ARFGAP2: variants seen among roughly 807,000 people sequenced by gnomAD.
ARFGAP2 encodes ADP-ribosylation factor GTPase-activating protein 2.
A neutral mutation model predicts 71.9 loss-of-function variants in ARFGAP2; 45 were observed. The observed-to-expected ratio is 0.63, with a 90% CI of 0.49 to 0.80. The LOEUF is 0.80. ARFGAP2 is among the 30% of genes least tolerant of loss of function. ARFGAP2 has a pLI of 0.00. For synonymous variants in ARFGAP2, 248 were observed against 249.2 expected (o/e 1.00, Z 0.05); for missense variants, 633 against 673.9 (o/e 0.94, Z 0.67).
rs532993523 is a variant in ARFGAP2 at position 47,174,182 on chromosome 11, C to A, written c.481-342G>T. Among the ~76,000 whole-genome samples the A allele has an allele frequency of 3.3e-5, 5 of 152,166 alleles. No homozygotes were observed. The East Asian group carries it at 9.7e-4, about 29-fold the overall frequency. The stretch of plus-strand genomic sequence containing the variant: ...CAACCCCTATGAAGGAGCTACATCG[C>A]CATTTTAGAAACTGAGGTTTTGACA... On this transcript the variant is annotated intron_variant, in intron 5 of 15. Coordinates refer to ENST00000524782, the MANE Select transcript of ARFGAP2 (RefSeq NM_032389.6).
At chr11:47,176,299 A>G (rs1952819438) in intron 2 of ARFGAP2, 1 of 600,024 alleles carries the variant, frequency 1.7e-6, no homozygotes, top group Admixed American at 3.0e-5. Context: ...TGACCGTCAA[A>G]AAAGAGGAAG....
chr11:47,171,372 ATGGTTC>A (rs1952592129), intron 10 of ARFGAP2, 48 bp downstream of exon 10: 1 of 1,606,076 alleles, frequency 6.2e-7, no homozygotes, highest in African/African-American at 1.3e-5. Flanking sequence ...AGGCCCCGCA[ATGGTTC>A]CCAGAAAACA....
intron 15 of ARFGAP2, 141 bp downstream of exon 15, chr11:47,166,127 G>T: frequency 1.2e-6 from 1 of 805,728 alleles, no homozygotes; most frequent in Non-Finnish European, 2.1e-6. Flanking sequence ...GCCTCCCAGT[G>T]CTGGGATTAC....
At chr11:47,166,620 G>C (rs1193159016) in intron 13 of ARFGAP2, 21 bp from the exon 14 acceptor site, 1 of 1,609,906 alleles carries the variant, frequency 6.2e-7, no homozygotes, top group African/African-American at 1.3e-5. Flanking sequence ...GAAAAGGCCA[G>C]GCCTGGGGAT....
Position 47,168,122 on chromosome 11 carries a change from C to T in ARFGAP2, c.1070+1G>A, listed in dbSNP as rs1042416778. 6.2e-7 allele frequency: 1 copy of T among 1,614,098 alleles called. No homozygotes were observed. Among genetic ancestry groups the T allele is most frequent in the Non-Finnish European group, 8.5e-7 (1 of 1,180,040 alleles). On this transcript the variant is annotated splice_donor_variant, in intron 11 of 15. Coordinates refer to ENST00000524782, the MANE Select transcript of ARFGAP2 (RefSeq NM_032389.6). LOFTEE classifies it high-confidence loss of function. ...AGTTTACAGCTAGAAAACAGCCTTA[C>T]TTTGGGGGTCCAGAGGCGAAAGTAC... is the stretch of plus-strand genomic sequence containing the variant.
intron 7 of ARFGAP2, 34 bp from the exon 8 acceptor site, chr11:47,172,367 A>G: frequency 6.2e-7 from 1 of 1,612,390 alleles, no homozygotes; most frequent in South Asian, 1.1e-5. Context: ...GAGCTAAGAC[A>G]AAGGCAGCTC....
At chr11:47,176,440 G>C in intron 2 of ARFGAP2, 76 bp downstream of exon 2, 2 of 1,395,878 alleles carry the variant, frequency 1.4e-6, no homozygotes, top group Non-Finnish European at 2.0e-6. Context: ...CCCAAGTCGA[G>C]GCAGCCACTC....
At chr11:47,173,550 G>A in intron 6 of ARFGAP2, 68 bp from the exon 7 acceptor site, 1 of 1,493,952 alleles carries the variant, frequency 6.7e-7, no homozygotes, top group South Asian at 1.3e-5. Flanking sequence ...TGAAAGAAGT[G>A]ATGGGACAAG....
Position 47,171,532 on chromosome 11 carries a change from G to C in ARFGAP2, c.835C>G (p.Gln279Glu). ...SMVASMRLAY[Q>E]ELQIDRKKEE... ...TTCTTACGATCAATCTGGAGCTCCT[G>C]GTAGGCCAGACGCATGGAGGCGACC... is the stretch of plus-strand genomic sequence containing the variant. The change falls in exon 10 of 16, where the codon CAG becomes GAG. Residue 279 changes from glutamine (Q) to glutamate (E), a missense_variant. Physicochemically the swap from Gln to Glu is conservative, Grantham distance 29. Transcript: ENST00000524782. The C allele has an allele frequency of 1.2e-6, 2 of 1,614,150 alleles. No individual in the cohort carries two copies. The highest frequency in any genetic ancestry group is 1.7e-6 in the Non-Finnish European group (2 of 1,180,030).
In ARFGAP2 at chr11:47,164,452, A is replaced by G; in HGVS notation, c.*1030T>C. 2.0e-6 allele frequency: 1 copy of G among 507,000 alleles called. No individual in the cohort carries two copies. The highest frequency in any genetic ancestry group is 2.9e-5 in the South Asian group (1 of 34,042). 31.4% of individuals were successfully genotyped at this position (507,000 alleles called of 1,614,324 possible). On this transcript the variant is annotated 3_prime_UTR_variant, in exon 16 of 16. Coordinates refer to ENST00000524782, the MANE Select transcript of ARFGAP2 (RefSeq NM_032389.6). ...GTGTTGCTTGGGAGCCCAACCTACAACCCAAAGGTGGGGGCTGGGCTGAGA... is the reference window on the plus strand; with the variant it reads ...GTGTTGCTTGGGAGCCCAACCTACAGCCCAAAGGTGGGGGCTGGGCTGAGA...
chr11:47,164,566 G>A lies in ARFGAP2; in HGVS notation c.*916C>T, dbSNP rs1330761793. 1 of 210,172 alleles carries A rather than the reference G, an allele frequency of 4.8e-6. No individual in the cohort carries two copies. The highest frequency in any genetic ancestry group is 2.3e-5 in the African/African-American group (1 of 43,008). The allele number at this position is 210,172 out of a possible 1,614,324, so 13.0% of individuals were successfully genotyped here. A position where few individuals can be genotyped will look rare whatever the true frequency, so the allele number is the denominator to read the frequency against. The stretch of plus-strand genomic sequence containing the variant: ...TGAGGCCCACAGCTCTCACTGGCGG[G>A]TGCTGTCCAGGCCAAGCCCAGAATG... On this transcript the variant is annotated 3_prime_UTR_variant, in exon 16 of 16. Transcript: ENST00000524782.
chr11:47,171,773 G>A lies in ARFGAP2; in HGVS notation c.700C>T (p.Gln234Ter). The A allele has an allele frequency of 6.2e-7, 1 of 1,613,834 alleles. No individual in the cohort carries two copies. Among genetic ancestry groups the A allele is most frequent in the Non-Finnish European group, 8.5e-7 (1 of 1,180,038 alleles). The change falls in exon 9 of 16, where the codon CAG becomes TAG. Residue 234 changes from glutamine to a stop codon, truncating the protein, a stop_gained. Transcript: ENST00000524782. LOFTEE classifies it high-confidence loss of function. ...CTGAAGCTCTGGCTGCTCACCTTCT[G>A]GGCCCCTAGGCCTTTCTTGGCACCC... ...GLGAKKGLGAQKVSSQSFSEI... is the reference protein window; with the variant it reads ...GLGAKKGLGA
chr11:47,175,796 A>G (rs1952787111), intron 3 of ARFGAP2, 55 bp downstream of exon 3: 1 of 1,605,226 alleles, frequency 6.2e-7, no homozygotes, highest in Non-Finnish European at 8.5e-7. Context: ...GGAGTCGTGC[A>G]AAGTTAGTAA....
intron 8 of ARFGAP2, 55 bp from the exon 9 acceptor site, chr11:47,171,855 C>T (rs1952613849): frequency 6.2e-7 from 1 of 1,600,722 alleles, no homozygotes; most frequent in African/African-American, 1.3e-5. Context: ...TCAGATCCCT[C>T]CCAGGTTCAG....
rs953552181 is a variant in ARFGAP2, at chr11:47,167,896, C to T, written c.1205+13G>A. ...AAAAAAAGAAAGAAAAAAGAAAAAA[C>T]AGCCCACTCTACCTTTCTGAAATAG... On this transcript the variant is annotated intron_variant, in intron 12 of 15. Transcript: ENST00000524782. 3 of 1,558,054 alleles carry T rather than the reference C, an allele frequency of 1.9e-6. No homozygotes were observed. Among genetic ancestry groups the T allele is most frequent in the Non-Finnish European group, 8.6e-7 (1 of 1,158,788 alleles).
At chr11:47,175,347 G>A (rs1035674740) in intron 3 of ARFGAP2, 34 bp from the exon 4 acceptor site, 15 of 1,613,498 alleles carry the variant, frequency 9.3e-6, no homozygotes, top group Admixed American at 3.3e-5. Flanking sequence ...CGCGTGCTAC[G>A]GGTGATTCTC....
rs750274746 is a variant in ARFGAP2, at chr11:47,166,352, C to G, written c.1461G>C (p.Ala487=). ...CACCCTGCTTAAACTGGGCAATGTCCGCTGTAGGCAGCACGTTCCCCAGAG... is the reference window on the plus strand; with the variant it reads ...CACCCTGCTTAAACTGGGCAATGTCGGCTGTAGGCAGCACGTTCCCCAGAG... ...SVSLGNVLPT[A]DIAQFKQGVK... is the part of the protein sequence containing the mutation. The change falls in exon 15 of 16, where the codon GCG becomes GCC. Residue 487 remains alanine (A), a synonymous_variant. Transcript: ENST00000524782. The G allele has an allele frequency of 6.2e-7, 1 of 1,614,224 alleles. No individual in the cohort carries two copies. Among genetic ancestry groups the G allele is most frequent in the East Asian group, 2.2e-5 (1 of 44,884 alleles).
intron 5 of ARFGAP2, chr11:47,174,420 G>T (rs1003989961): frequency 8.6e-6 from 1 of 116,272 alleles, no homozygotes; most frequent in African/African-American, 3.4e-5. Context: ...ACGGAGTCTC[G>T]CTCTGTCGCC....
At chr11:47,174,093 A>AC in intron 5 of ARFGAP2, 1 of 585,456 alleles carries the variant, frequency 1.7e-6, no homozygotes, top group Admixed American at 3.0e-5. Flanking sequence ...ACAGTTAACT[A>AC]CCACCACCTA....
Sources: allele counts gnomAD v4.1 joint callset (sites outside exome capture counted in the v4.1 genomes callset), GRCh38; gene constraint gnomAD v4.1.1; transcripts MANE v1.5; gene names NCBI Gene and HGNC (gene_info 2026-07-23, HGNC 2026-07-21).